Variants in CDH2 observed in about 807,000 individuals in gnomAD.
CDH2 encodes cadherin 2, also known as cadherin-2.
CDH2 carries 17 observed loss-of-function variants against 92.0 expected under a neutral mutation model. The observed-to-expected ratio is 0.18, with a 90% CI of 0.13 to 0.28. The LOEUF is 0.28. Ranked by LOEUF, CDH2 falls within the 10% of genes least tolerant of loss-of-function variation. The pLI, the probability that CDH2 is intolerant of heterozygous loss-of-function variation, is 1.00. For missense variants in CDH2, 862 were observed against 1,133.1 expected, an observed-to-expected ratio of 0.76 and a Z score of 3.44; for synonymous variants, 419 against 415.9, an observed-to-expected ratio of 1.01 and a Z score of -0.09.
chr18:28,040,088 T>A (rs139486607), intron 2 of CDH2, among the ~76,000 whole-genome samples: 2 of 152,300 alleles, frequency 1.3e-5, no homozygotes, highest in African/African-American at 4.8e-5. Flanking sequence ...TGAATAACTA[T>A]TTGTTTAGTT....
chr18:27,939,280 G>A (rs1909083989), intron 6 of CDH2, among the ~76,000 whole-genome samples: 1 of 152,076 alleles, frequency 6.6e-6, no homozygotes, highest in African/African-American at 2.4e-5. Flanking sequence ...AGATAGCCTG[G>A]GGTCTTGGTG....
chr18:27,953,505 A>T (rs1356988016), intron 15 of CDH2, among the ~76,000 whole-genome samples: 1 of 152,154 alleles, frequency 6.6e-6, no homozygotes, highest in Non-Finnish European at 1.5e-5. Flanking sequence ...CACCTATCTA[A>T]GATGTGTCAC....
intron 6 of CDH2, among the ~76,000 whole-genome samples, chr18:27,944,754 T>TTAAA (rs1397346197): frequency 1.2e-5 from 1 of 83,568 alleles, no homozygotes. Flanking sequence ...ACTTCCTTTC[T>TTAAA]AAAAAAAAAA....
chr18:27,959,611 G>GA (rs1182339849), intron 15 of CDH2: 1 of 152,222 alleles, frequency 6.6e-6, no homozygotes, highest in Non-Finnish European at 1.5e-5. Flanking sequence ...TATCTTGGAT[G>GA]AAAGAGTCTA....
chr18:28,130,899 T>C (rs1173127636), intron 2 of CDH2, among the ~76,000 whole-genome samples: 4 of 152,172 alleles, frequency 2.6e-5, no homozygotes, highest in Admixed American at 6.5e-5. Context: ...TGAGGTACCC[T>C]TGAAAAAGCA....
In CDH2 at chr18:27,996,136, T is replaced by G. The variant is rs17462892; in HGVS notation, c.1021-2499A>C. 3.4e-4 allele frequency among the ~76,000 whole-genome samples: 52 copies of G among 152,194 alleles called. No homozygotes were observed. The East Asian group carries it at 8.7e-3, about 26-fold the overall frequency. ...CTGTCAATCCTTCCCTCTCCGAAAC[T>G]CGCCTATTTTACAAAAGTGATTCCT... On this transcript the variant is annotated intron_variant, in intron 7 of 15. Coordinates refer to ENST00000269141, the MANE Select transcript of CDH2 (RefSeq NM_001792.5).
At chr18:28,119,275 G>A (rs186357848) in intron 2 of CDH2, among the ~76,000 whole-genome samples, 4 of 152,234 alleles carry the variant, frequency 2.6e-5, no homozygotes, top group African/African-American at 9.6e-5. Flanking sequence ...GCTAGGGCCT[G>A]TGTCCCATTC....
chr18:28,110,187 T>A (rs1205022378), intron 2 of CDH2, among the ~76,000 whole-genome samples: 1 of 152,238 alleles, frequency 6.6e-6, no homozygotes, highest in Non-Finnish European at 1.5e-5. Flanking sequence ...TCTGCTGTTA[T>A]CTCCGCTGTT....
intron 6 of CDH2, among the ~76,000 whole-genome samples, chr18:27,944,332 G>A (rs1288228094): frequency 1.3e-5 from 2 of 152,166 alleles, no homozygotes; most frequent in African/African-American, 2.4e-5. Context: ...CTTAGTTGCA[G>A]AGAAAGATCA....
At chr18:27,964,882 T>C (rs1355170171) in intron 14 of CDH2, among the ~76,000 whole-genome samples, 1 of 152,046 alleles carries the variant, frequency 6.6e-6, no homozygotes, top group Non-Finnish European at 1.5e-5. Flanking sequence ...AGTTACAAGG[T>C]TGGATTTAAA....
At chr18:28,044,240 A>C (rs1291863024) in intron 2 of CDH2, among the ~76,000 whole-genome samples, 1 of 152,114 alleles carries the variant, frequency 6.6e-6, no homozygotes, top group East Asian at 1.9e-4. Flanking sequence ...AACAGAGGTA[A>C]ATAAAGACAA....
intron 1 of CDH2, among the ~76,000 whole-genome samples, chr18:28,161,490 A>C (rs1598518788): frequency 6.6e-6 from 1 of 151,752 alleles, no homozygotes. Flanking sequence ...TGAGGCAGGA[A>C]AATAGCTTGA....
At chr18:27,987,855 C>T (rs2012285980) in intron 11 of CDH2, among the ~76,000 whole-genome samples, 1 of 152,132 alleles carries the variant, frequency 6.6e-6, no homozygotes, top group Non-Finnish European at 1.5e-5. Context: ...GAGTCTGCAC[C>T]TGGGGGTCCT....
intron 7 of CDH2, among the ~76,000 whole-genome samples, chr18:27,999,222 T>C (rs1242848849): frequency 6.6e-6 from 1 of 152,104 alleles, no homozygotes; most frequent in Admixed American, 6.5e-5. Context: ...TGGGCATCAT[T>C]TGTATGTGAA....
chr18:28,030,315 T>A (rs1426075131), intron 2 of CDH2, among the ~76,000 whole-genome samples: 1 of 152,010 alleles, frequency 6.6e-6, no homozygotes, highest in Non-Finnish European at 1.5e-5. Flanking sequence ...GTATTAAGTG[T>A]AAATTTTTTG....
chr18:27,936,695 A>C (rs1909027971), intron 6 of CDH2, among the ~76,000 whole-genome samples: 1 of 151,968 alleles, frequency 6.6e-6, no homozygotes, highest in Non-Finnish European at 1.5e-5. Flanking sequence ...ATGTTCTGCT[A>C]ATTATTTTAT....
In CDH2 at chr18:27,952,008, C is replaced by T. The variant is rs199985888; in HGVS notation, c.*145G>A. ...TGGATCACTGATATTCCCTCTGAGC[C>T]CAAATTGGTTTGCAGCCTATGCCAA... On this transcript the variant is annotated 3_prime_UTR_variant, in exon 16 of 16. Coordinates refer to ENST00000269141, the MANE Select transcript of CDH2 (RefSeq NM_001792.5). 23 of 678,580 alleles carry T rather than the reference C, an allele frequency of 3.4e-5. No homozygotes were observed. The African/African-American group carries it at 3.9e-4, about 12-fold the overall frequency. 42.0% of individuals were successfully genotyped at this position (678,580 alleles called of 1,614,324 possible).
chr18:28,020,063 A>C (rs1052042749), intron 2 of CDH2, among the ~76,000 whole-genome samples: 1 of 152,102 alleles, frequency 6.6e-6, no homozygotes, highest in African/African-American at 2.4e-5. Flanking sequence ...ATTTCAATGG[A>C]TAACATGTGA....
chr18:28,068,835 G>A (rs1305042760), intron 2 of CDH2, among the ~76,000 whole-genome samples: 1 of 152,190 alleles, frequency 6.6e-6, no homozygotes, highest in Non-Finnish European at 1.5e-5. Context: ...CCGATAGGGA[G>A]TGTGCATTTG....
Sources: gnomAD v4.1 joint callset for allele counts (sites outside exome capture counted in the v4.1 genomes callset) on GRCh38, gnomAD v4.1.1 for gene constraint, MANE v1.5 for transcripts, NCBI Gene and HGNC (gene_info 2026-07-23, HGNC 2026-07-21) for gene names.